Variants in PID1 observed in about 807,000 individuals in gnomAD.
The protein encoded by PID1 is phosphotyrosine interaction domain containing 1.
PID1 carries 10 observed loss-of-function variants against 19.1 expected under a neutral mutation model. The observed-to-expected ratio is 0.52, with a 90% confidence interval of 0.32 to 0.89. The LOEUF (loss-of-function observed/expected upper bound fraction) is 0.89. Among genes scored for constraint, PID1 ranks in the 40% least tolerant of loss-of-function variants. The pLI is 0.03. For missense variants in PID1, 248 were observed against 285.3 expected (o/e 0.87, Z 0.94); for synonymous variants, 130 against 116.0 (o/e 1.12, Z -0.78).
At chr2:229,056,162 G>A (rs1260630359) in intron 2 of PID1, among the ~76,000 whole-genome samples, 3 of 152,058 alleles carry the variant, frequency 2.0e-5, no homozygotes, top group Non-Finnish European at 4.4e-5. Context: ...CATAGCTCCT[G>A]GATCCAGATT....
At chr2:229,207,039 C>T (rs139462139) in intron 1 of PID1, among the ~76,000 whole-genome samples, 2 of 152,090 alleles carry the variant, frequency 1.3e-5, no homozygotes, top group East Asian at 1.9e-4. Flanking sequence ...ATTATGGCTT[C>T]GTAGACCAAT....
intron 2 of PID1, among the ~76,000 whole-genome samples, chr2:229,138,884 G>T (rs925764273): frequency 6.6e-6 from 1 of 151,074 alleles, no homozygotes; most frequent in Non-Finnish European, 1.5e-5. Context: ...AATGGAAAGC[G>T]GGTGGGGAAA....
intron 1 of PID1, among the ~76,000 whole-genome samples, chr2:229,202,023 A>G (rs1691509035): frequency 6.6e-6 from 1 of 152,068 alleles, no homozygotes; most frequent in African/African-American, 2.4e-5. Flanking sequence ...CTATTATGTG[A>G]AAAGAAATAG....
At chr2:229,143,266 C>T (rs960525938) in intron 2 of PID1, among the ~76,000 whole-genome samples, 15 of 150,766 alleles carry the variant, frequency 9.9e-5, no homozygotes, top group Non-Finnish European at 1.6e-4. Flanking sequence ...TTAATGGGTG[C>T]AGCACACCAG....
intron 1 of PID1, among the ~76,000 whole-genome samples, chr2:229,232,609 C>T (rs1270992204): frequency 6.6e-6 from 1 of 150,614 alleles, no homozygotes. Flanking sequence ...CTCCCTTTTC[C>T]AACCTCACCC....
intron 1 of PID1, among the ~76,000 whole-genome samples, chr2:229,238,530 T>C (rs1689782413): frequency 6.6e-6 from 1 of 152,116 alleles, no homozygotes; most frequent in South Asian, 2.1e-4. Context: ...GCCATAAACA[T>C]TTGTTTGCCT....
At chr2:229,145,969 A>G (rs1010043838) in intron 2 of PID1, among the ~76,000 whole-genome samples, 9 of 152,096 alleles carry the variant, frequency 5.9e-5, no homozygotes, top group African/African-American at 2.2e-4. Context: ...TTATTTTTCG[A>G]TTTTTTAGTA....
chr2:229,210,714 T>G (rs954447284), intron 1 of PID1, among the ~76,000 whole-genome samples: 2 of 152,008 alleles, frequency 1.3e-5, no homozygotes, highest in African/African-American at 4.8e-5. Flanking sequence ...GAATGTGATG[T>G]GCCAATATGG....
chr2:229,169,343 A>G (rs1690664592), intron 1 of PID1, among the ~76,000 whole-genome samples: 2 of 152,120 alleles, frequency 1.3e-5, no homozygotes, highest in Admixed American at 1.3e-4. Context: ...ATAGTACATG[A>G]TTTGATGGGT....
At chr2:229,242,534 G>A (rs569358947) in intron 1 of PID1, among the ~76,000 whole-genome samples, 6 of 151,980 alleles carry the variant, frequency 3.9e-5, no homozygotes, top group South Asian at 2.1e-4. Flanking sequence ...TACATTTCCC[G>A]TCCTCTCTAA....
chr2:229,075,236 A>G (rs549857046), intron 2 of PID1, among the ~76,000 whole-genome samples: 9 of 152,378 alleles, frequency 5.9e-5, no homozygotes, highest in African/African-American at 2.2e-4. Context: ...CAAAGTATGC[A>G]TTTCTACTGA....
chr2:229,198,752 T>C (rs1691430539), intron 1 of PID1, among the ~76,000 whole-genome samples: 2 of 152,046 alleles, frequency 1.3e-5, no homozygotes, highest in Admixed American at 6.6e-5. Flanking sequence ...ATTCAAAACA[T>C]ATTGCAAATG....
At chr2:229,234,305 G>A (rs1692277597) in intron 1 of PID1, among the ~76,000 whole-genome samples, 1 of 152,100 alleles carries the variant, frequency 6.6e-6, no homozygotes, top group African/African-American at 2.4e-5. Context: ...GCATTATAGT[G>A]GGTTAGCCAG....
intron 2 of PID1, among the ~76,000 whole-genome samples, chr2:229,127,252 T>C (rs1362501613): frequency 6.6e-6 from 1 of 152,160 alleles, no homozygotes; most frequent in Non-Finnish European, 1.5e-5. Flanking sequence ...ACCTCTCTGT[T>C]TTCTGTTCTG....
chr2:229,171,613 C>G (rs1160486213), intron 1 of PID1, among the ~76,000 whole-genome samples: 3 of 152,172 alleles, frequency 2.0e-5, no homozygotes, highest in African/African-American at 7.2e-5. Context: ...ATTTGTAACA[C>G]CTGAATACAT....
intron 1 of PID1, among the ~76,000 whole-genome samples, chr2:229,264,247 C>G (rs928145258): frequency 1.8e-4 from 27 of 152,152 alleles, no homozygotes; most frequent in African/African-American, 6.5e-4. Context: ...GAGGAGTGGA[C>G]TCTCAACTCA....
intron 2 of PID1, among the ~76,000 whole-genome samples, chr2:229,151,566 T>A (rs1239105136): frequency 6.6e-6 from 1 of 151,012 alleles, no homozygotes; most frequent in African/African-American, 2.4e-5. Flanking sequence ...TTAAGACTTC[T>A]ATTTCTTTTT....
At chr2:229,205,546 A>G (rs1297155461) in intron 1 of PID1, among the ~76,000 whole-genome samples, 1 of 151,858 alleles carries the variant, frequency 6.6e-6, no homozygotes, top group Non-Finnish European at 1.5e-5. Flanking sequence ...TTATTTTCTC[A>G]CCACCTTTTA....
At chr2:229,262,960 C>A in intron 1 of PID1, 1 of 1,363,874 alleles carries the variant, frequency 7.3e-7, no homozygotes, top group Non-Finnish European at 9.6e-7. Context: ...TCTTAACTTG[C>A]TTACATCTGC....
Sources: gnomAD v4.1 joint callset for allele counts (sites outside exome capture counted in the v4.1 genomes callset) on GRCh38, gnomAD v4.1.1 for gene constraint, MANE v1.5 for transcripts, NCBI Gene and HGNC (gene_info 2026-07-23, HGNC 2026-07-21) for gene names.